Variants in PITPNB observed in about 807,000 individuals in gnomAD.
PITPNB encodes phosphatidylinositol transfer protein beta isoform.
A neutral mutation model predicts 45.9 loss-of-function variants in PITPNB; 16 were observed. The ratio of observed to expected loss-of-function variants is 0.35; its 90% CI spans 0.24 to 0.53. The LOEUF (loss-of-function observed/expected upper bound fraction) is 0.53, where lower values mean the gene tolerates loss of function less well. Among genes scored for constraint, PITPNB ranks in the 20% least tolerant of loss-of-function variants. The pLI is 0.93. For missense variants in PITPNB, 188 were observed against 330.5 expected (o/e 0.57, Z 3.34); for synonymous variants, 112 against 108.9 (o/e 1.03, Z -0.18).
intron 1 of PITPNB, among the ~76,000 whole-genome samples, chr22:27,917,487 T>C (rs541432458): frequency 6.6e-6 from 1 of 152,352 alleles, no homozygotes; most frequent in South Asian, 2.1e-4. Context: ...GTCAGAGTAA[T>C]GAACACTTGT....
intron 10 of PITPNB, among the ~76,000 whole-genome samples, chr22:27,857,535 C>T (rs199929609): frequency 0.041 from 6,309 of 152,256 alleles, 203 homozygotes; most frequent in South Asian, 0.11. Flanking sequence ...CTGCCTCACA[C>T]GCAGGCGTCT....
chr22:27,890,740 G>A (rs540316767), intron 7 of PITPNB, among the ~76,000 whole-genome samples: 2 of 152,326 alleles, frequency 1.3e-5, no homozygotes, highest in East Asian at 1.9e-4. Context: ...TGTGAACCCC[G>A]GAGGCGGAGC....
At chr22:27,858,910 G>T (rs1358289726) in intron 9 of PITPNB, among the ~76,000 whole-genome samples, 5 of 151,988 alleles carry the variant, frequency 3.3e-5, no homozygotes, top group African/African-American at 1.2e-4. Context: ...TTCACTATGA[G>T]GTGGAATACA....
At chr22:27,882,156 G>C (rs955363822) in intron 7 of PITPNB, among the ~76,000 whole-genome samples, 10 of 152,160 alleles carry the variant, frequency 6.6e-5, no homozygotes, top group Non-Finnish European at 1.3e-4. Flanking sequence ...ATGCCCCTAA[G>C]ATTCAATCCA....
intron 2 of PITPNB, among the ~76,000 whole-genome samples, chr22:27,911,809 A>C (rs1389419796): frequency 6.6e-6 from 1 of 152,212 alleles, no homozygotes; most frequent in Non-Finnish European, 1.5e-5. Context: ...AGTAATATGA[A>C]TGTATACATA....
intron 9 of PITPNB, 84 bp downstream of exon 9, chr22:27,860,047 A>C: frequency 1.3e-6 from 1 of 749,972 alleles, no homozygotes. Flanking sequence ...GAGGAAAAAA[A>C]GTAATAACAG....
intron 1 of PITPNB, among the ~76,000 whole-genome samples, chr22:27,918,914 C>G (rs16986969): frequency 0.066 from 10,099 of 151,920 alleles, 441 homozygotes; most frequent in East Asian, 0.21. Flanking sequence ...CGCGCCTTCC[C>G]GAGCCATGCG....
rs555797397 is a variant in PITPNB at position 27,875,633 on chromosome 22, C to G, written c.457-1818G>C. Among the ~76,000 whole-genome samples the G allele has an allele frequency of 9.4e-4, 142 of 151,510 alleles. 1 individual carries two copies. Among genetic ancestry groups the G allele is most frequent in the African/African-American group, 3.3e-3 (135 of 41,170 alleles). On this transcript the variant is annotated intron_variant, in intron 7 of 11. Coordinates refer to ENST00000335272, the MANE Select transcript of PITPNB (RefSeq NM_012399.5). The stretch of plus-strand genomic sequence containing the variant: ...TGGAATTAAAACCTAAAAGCAAGCT[C>G]ATTTTCTTTTTCAAACATTGAAAGT...
intron 10 of PITPNB, among the ~76,000 whole-genome samples, chr22:27,855,175 C>A (rs918220152): frequency 6.6e-6 from 1 of 152,138 alleles, no homozygotes; most frequent in Non-Finnish European, 1.5e-5. Flanking sequence ...CAAAAGCCTG[C>A]AGACTGATAA....
intron 3 of PITPNB, among the ~76,000 whole-genome samples, chr22:27,902,884 T>C (rs1935642028): frequency 6.6e-6 from 1 of 152,168 alleles, no homozygotes; most frequent in South Asian, 2.1e-4. Flanking sequence ...GTGACTGGGC[T>C]AATTTTTAAA....
intron 3 of PITPNB, among the ~76,000 whole-genome samples, chr22:27,904,998 T>G (rs773446112): frequency 6.6e-6 from 1 of 152,232 alleles, no homozygotes; most frequent in Non-Finnish European, 1.5e-5. Context: ...CTTCTGATAT[T>G]TTTCAGAAAC....
rs771753495 is a variant in PITPNB, at chr22:27,894,608, T to C, written c.403A>G (p.Thr135Ala). 3 of 1,606,302 alleles carry C rather than the reference T, an allele frequency of 1.9e-6. No individual in the cohort carries two copies. Among genetic ancestry groups the C allele is most frequent in the South Asian group, 1.1e-5 (1 of 90,910 alleles). ...ATATCTATATGGACAATTTCAACAG[T>C]TTTCCATGTGTTTGGATCTAAACCA... ...VHGLDPNTWK[T>A]VEIVHIDIAD... The change falls in exon 7 of 12, where the codon ACT becomes GCT. Residue 135 changes from threonine (T) to alanine (A), a missense_variant. Transcript: ENST00000335272.
intron 3 of PITPNB, among the ~76,000 whole-genome samples, chr22:27,908,301 A>C (rs932112248): frequency 1.4e-5 from 2 of 147,044 alleles, no homozygotes; most frequent in Non-Finnish European, 3.0e-5. Context: ...CAGGTGATAA[A>C]TATTCTCAAC....
intron 7 of PITPNB, among the ~76,000 whole-genome samples, chr22:27,886,669 A>G (rs1935130073): frequency 6.6e-6 from 1 of 152,080 alleles, no homozygotes; most frequent in South Asian, 2.1e-4. Flanking sequence ...ATCAACAATC[A>G]CTCTGAATTA....
At chr22:27,864,793 C>T (rs143986302) in intron 8 of PITPNB, among the ~76,000 whole-genome samples, 70 of 152,096 alleles carry the variant, frequency 4.6e-4, no homozygotes, top group African/African-American at 1.5e-3. Context: ...CAAAAATTAG[C>T]TGGTCATGGT....
At chr22:27,885,969 T>C (rs1935112913) in intron 7 of PITPNB, among the ~76,000 whole-genome samples, 1 of 152,216 alleles carries the variant, frequency 6.6e-6, no homozygotes, top group African/African-American at 2.4e-5. Flanking sequence ...AAGAGGCATC[T>C]AGCTTACTGA....
Position 27,854,844 on chromosome 22 carries a change from C to G in PITPNB, c.*38+10G>C. 5 of 1,573,016 alleles carry G rather than the reference C, an allele frequency of 3.2e-6. No individual in the cohort carries two copies. The highest frequency in any genetic ancestry group is 4.4e-6 in the Non-Finnish European group (5 of 1,144,790). The stretch of plus-strand genomic sequence containing the variant: ...TTTCGAAACATCTTTTTACCCAGGT[C>G]TTCACTTACACAGTTTGACATTGTC... On this transcript the variant is annotated intron_variant, in intron 11 of 11. Transcript: ENST00000335272.
chr22:27,914,374 ATATT>A, intron 1 of PITPNB, 27 bp from the exon 2 acceptor site: 2 of 1,420,808 alleles, frequency 1.4e-6, no homozygotes, highest in Non-Finnish European at 2.0e-6. Flanking sequence ...AAAAATATAT[ATATT>A]ACATATGAAA....
intron 8 of PITPNB, among the ~76,000 whole-genome samples, chr22:27,869,310 T>C (rs1934579957): frequency 6.6e-6 from 1 of 152,170 alleles, no homozygotes; most frequent in African/African-American, 2.4e-5. Context: ...AAAATAAATA[T>C]ACAACTGAGG....
Sources: gnomAD v4.1 joint callset for allele counts (sites outside exome capture counted in the v4.1 genomes callset) on GRCh38, gnomAD v4.1.1 for gene constraint, MANE v1.5 for transcripts, NCBI Gene and HGNC (gene_info 2026-07-23, HGNC 2026-07-21) for gene names.